Variants in MAN1B1 observed in about 807,000 individuals in gnomAD.
MAN1B1 encodes mannosidase alpha class 1B member 1.
A neutral mutation model predicts 75.5 loss-of-function variants in MAN1B1; 66 were observed. The observed-to-expected ratio is 0.87, with a 90% CI of 0.72 to 1.07. The LOEUF (loss-of-function observed/expected upper bound fraction) is 1.07. Ranked by LOEUF, MAN1B1 falls within the 50% of genes least tolerant of loss-of-function variation. The probability of loss-of-function intolerance (pLI) is 0.00; values close to 1 mark genes in which losing one functional copy is unlikely to be tolerated. For missense variants in MAN1B1, 973 were observed against 912.5 expected (o/e 1.07, Z -0.85); for synonymous variants, 453 against 382.8 (o/e 1.18, Z -2.14).
At chr9:137,098,687 C>T (rs1478669650) in intron 5 of MAN1B1, among the ~76,000 whole-genome samples, 5 of 152,048 alleles carry the variant, frequency 3.3e-5, no homozygotes, top group Non-Finnish European at 5.9e-5. Context: ...GGTTTGGTGC[C>T]GTTACACACG....
rs752411836 is a variant in MAN1B1, at chr9:137,088,979, G to A, written c.439G>A (p.Glu147Lys). 6.2e-7 allele frequency: 1 copy of A among 1,614,018 alleles called. No individual in the cohort carries two copies. The change falls in exon 3 of 13, where the codon GAG (glutamate) becomes AAG (lysine). Residue 147 changes from glutamate (E) to lysine (K), a missense_variant. Transcript: ENST00000371589. ...TCCTCAGAAGGCGGACACCGACCCT[G>A]AGAACTTACCTGAGATTTCGTCACA... ...PAPQKADTDP[E>K]NLPEISSQKT...
chr9:137,107,436 G>C lies in MAN1B1; in HGVS notation c.1753G>C (p.Val585Leu), dbSNP rs150734795. ...TTACCCCCAGCCGGGCCGTCGGGAC[G>C]TGGAGGTCAAGGTGGGCCTGGGCCT... is the stretch of plus-strand genomic sequence containing the variant. ...NLYPQPGRRD[V>L]EVKPADRHNL... Residue 585 changes from valine to leucine, a missense_variant, in exon 11 of 13, where the codon GTG becomes CTG. Coordinates refer to ENST00000371589, the MANE Select transcript of MAN1B1 (RefSeq NM_016219.5). The C allele has an allele frequency of 3.1e-6, 5 of 1,613,424 alleles. No homozygotes were observed. The South Asian group carries it at 5.5e-5, about 18-fold the overall frequency.
chr9:137,106,260 A>G lies in MAN1B1; in HGVS notation c.1390A>G (p.Ser464Gly). ...GVFTLGARAD[S>G]YYEYLLKQWI... is the part of the protein sequence containing the mutation. ...ATTCACGCTGGGCGCCAGGGCCGAC[A>G]GCTACTATGAGTACCTGCTGAAGCA... The change falls in exon 9 of 13, where the codon AGC becomes GGC. Residue 464 changes from serine (S) to glycine (G), a missense_variant. Coordinates refer to ENST00000371589, the MANE Select transcript of MAN1B1 (RefSeq NM_016219.5). The G allele has an allele frequency of 6.4e-7, 1 of 1,574,172 alleles. No homozygotes were observed. Among genetic ancestry groups the G allele is most frequent in the Non-Finnish European group, 8.6e-7 (1 of 1,159,950 alleles).
At chr9:137,095,494 G>A (rs1202331165) in intron 3 of MAN1B1, among the ~76,000 whole-genome samples, 2 of 152,118 alleles carry the variant, frequency 1.3e-5, no homozygotes, top group Non-Finnish European at 2.9e-5. Flanking sequence ...CAAGGCAGGA[G>A]GAATTCGTGA....
Position 137,087,232 on chromosome 9 carries a change from C to T in MAN1B1, c.219+14C>T, listed in dbSNP as rs907652283. On this transcript the variant is annotated intron_variant, in intron 1 of 12. Transcript: ENST00000371589. ...TCGTGCTGGAGGGTGAGGGTCGCGC[C>T]GGGCTGACTGGGGCCCGGGGCTGCC... is the stretch of plus-strand genomic sequence containing the variant. 1 of 1,562,548 alleles carries T rather than the reference C, an allele frequency of 6.4e-7. No homozygotes were observed. Among genetic ancestry groups the T allele is most frequent in the Non-Finnish European group, 8.7e-7 (1 of 1,153,950 alleles).
At chr9:137,088,544 A>T in intron 2 of MAN1B1, 1 of 970,948 alleles carries the variant, frequency 1.0e-6, no homozygotes, top group Non-Finnish European at 1.5e-6. Context: ...GGATGTGGAG[A>T]ATCTCTTCTC....
intron 1 of MAN1B1, chr9:137,087,686 T>A: frequency 2.5e-6 from 1 of 403,448 alleles, no homozygotes; most frequent in Non-Finnish European, 4.7e-6. Context: ...CTGGGCTACA[T>A]CTGTGGGAGT....
chr9:137,096,068 G>A (rs1830642473), intron 3 of MAN1B1, among the ~76,000 whole-genome samples, 169 bp from the exon 4 acceptor site: 1 of 152,296 alleles, frequency 6.6e-6, no homozygotes, highest in Admixed American at 6.5e-5. Flanking sequence ...AGGCTCCTAA[G>A]GAGCTGTCTT....
In MAN1B1 at chr9:137,106,329, C is replaced by T. The variant is rs548361373; in HGVS notation, c.1445+14C>T. The T allele has an allele frequency of 3.3e-5, 51 of 1,544,672 alleles. 1 individual carries two copies. Among genetic ancestry groups the T allele is most frequent in the Admixed American group, 5.9e-5 (3 of 50,878 alleles). On this transcript the variant is annotated intron_variant, in intron 9 of 12. Transcript: ENST00000371589. ...GCAGGAGACACAGTGAGGCCCGGCC[C>T]GCTGCCCCCAGCTCCCGCGGCTCCC...
At chr9:137,090,626 G>A (rs570178725) in intron 3 of MAN1B1, among the ~76,000 whole-genome samples, 40 of 151,766 alleles carry the variant, frequency 2.6e-4, no homozygotes, top group Admixed American at 1.6e-3. Flanking sequence ...TGCAACCTCC[G>A]CCTCCCGGGT....
intron 3 of MAN1B1, among the ~76,000 whole-genome samples, chr9:137,089,549 G>A (rs965883329): frequency 1.3e-5 from 2 of 152,230 alleles, no homozygotes; most frequent in Non-Finnish European, 2.9e-5. Flanking sequence ...CCAGGGCTGG[G>A]AGAGGGAGCA....
At chr9:137,088,204 T>C (rs1420523776) in intron 2 of MAN1B1, 21 bp downstream of exon 2, 1 of 1,613,962 alleles carries the variant, frequency 6.2e-7, no homozygotes, top group African/African-American at 1.3e-5. Flanking sequence ...CACGTGTACT[T>C]GAAAACGATA....
intron 12 of MAN1B1, 89 bp from the exon 13 acceptor site, chr9:137,108,299 C>A: frequency 8.4e-7 from 1 of 1,188,620 alleles, no homozygotes; most frequent in Non-Finnish European, 1.2e-6. Flanking sequence ...GGGCCACATT[C>A]ACCATGGGGT....
chr9:137,088,735 T>A, intron 2 of MAN1B1, 134 bp from the exon 3 acceptor site: 1 of 996,926 alleles, frequency 1.0e-6, no homozygotes, highest in Admixed American at 2.0e-5. Flanking sequence ...CATTGTTGAA[T>A]TCATTTCAGT....
intron 12 of MAN1B1, chr9:137,108,129 C>G: frequency 3.3e-6 from 2 of 610,764 alleles, no homozygotes; most frequent in East Asian, 2.7e-5. Flanking sequence ...GTGCCCTGTG[C>G]GGCAACTGTG....
chr9:137,107,785 T>G, intron 12 of MAN1B1, 123 bp downstream of exon 12: 1 of 1,452,016 alleles, frequency 6.9e-7, no homozygotes, highest in Non-Finnish European at 9.6e-7. Flanking sequence ...AGGGGCGGGC[T>G]TGCCGCAGCC....
At position 137,108,943 on chromosome 9, in the gene MAN1B1, G is replaced by T. The variant is rs775285783; in HGVS notation, c.*352G>T. The T allele has an allele frequency of 2.1e-6, 1 of 487,382 alleles. No homozygotes were observed. 30.2% of individuals were successfully genotyped at this position (487,382 alleles called of 1,614,324 possible). On this transcript the variant is annotated 3_prime_UTR_variant, in exon 13 of 13. Transcript: ENST00000371589. ...GGGGTGACCGAGTGGACAGCCCAGG[G>T]TGCAGCTCTGCCCGGGCTCGTGAAG...
intron 1 of MAN1B1, chr9:137,087,486 C>A: frequency 1.5e-6 from 1 of 664,868 alleles, no homozygotes; most frequent in Non-Finnish European, 2.8e-6. Flanking sequence ...GCTTCGTTCG[C>A]TTTTCTGCAA....
At chr9:137,106,840 C>T (rs547488030) in intron 10 of MAN1B1, 31 bp downstream of exon 10, 17 of 1,610,162 alleles carry the variant, frequency 1.1e-5, no homozygotes, top group South Asian at 6.6e-5. Context: ...TTCCGGCCGC[C>T]GCCCCTTTTA....
Sources: gnomAD v4.1 joint callset for allele counts (sites outside exome capture counted in the v4.1 genomes callset) on GRCh38, gnomAD v4.1.1 for gene constraint, MANE v1.5 for transcripts, NCBI Gene and HGNC (gene_info 2026-07-23, HGNC 2026-07-21) for gene names.